POTEE: variants seen among roughly 807,000 people sequenced by gnomAD.
POTEE encodes the protein POTE ankyrin domain family member E, also known as ANKRD26-like family C member 1A.
Under a neutral mutation model 74.2 loss-of-function variants are expected in POTEE, and 21 were observed. That is an observed-to-expected ratio of 0.28 (90% CI 0.20 to 0.41). The LOEUF is 0.41. Among genes scored for constraint, POTEE ranks in the 10% least tolerant of loss-of-function variants. The probability of loss-of-function intolerance (pLI) is 1.00; values close to 1 mark genes in which losing one functional copy is unlikely to be tolerated. For synonymous variants in POTEE, 211 were observed against 432.8 expected (o/e 0.49, Z 6.36); for missense variants, 525 against 1,158.6 (o/e 0.45, Z 7.94).
rs781648859 is a variant in POTEE, at chr2:131,218,475, G to T, written c.73G>T (p.Gly25Cys). Residue 25 changes from glycine to cysteine, a missense_variant, in exon 4 of 18, where the codon GGC becomes TGC. Transcript: ENST00000683005. The stretch of plus-strand genomic sequence containing the variant: ...GCCATTTGGTCTCAGGAGCAAGATG[G>T]GCAAGTGGTGCTGCCGTTGCTTCCC... ...KKPFGLRSKM[G>C]KWCCRCFPCY... is the part of the protein sequence containing the mutation. The T allele has an allele frequency of 5.6e-6, 9 of 1,613,022 alleles. No individual in the cohort carries two copies. In the East Asian group the frequency reaches 1.8e-4, roughly 32 times the overall value.
intron 9 of POTEE, among the ~76,000 whole-genome samples, chr2:131,235,517 C>T (rs866836430): frequency 0.019 from 2,860 of 151,860 alleles, 81 homozygotes; most frequent in African/African-American, 0.066. Flanking sequence ...AAAATAAGGA[C>T]AAGTGTGGTG....
chr2:131,209,594 C>T lies in POTEE; in HGVS notation c.-570C>T, dbSNP rs180722132. Among the ~76,000 whole-genome samples, 665 of 152,330 alleles carry T rather than the reference C, an allele frequency of 4.4e-3. 2 individuals carry two copies. Among genetic ancestry groups the T allele is most frequent in the African/African-American group, 0.015 (622 of 41,562 alleles). The stretch of plus-strand genomic sequence containing the variant: ...CGGCATGGCTGCTACCTGTTTCTGG[C>T]TGGAGCCTCGGACACTGGCTCACTG... On this transcript the variant is annotated 5_prime_UTR_variant, in exon 1 of 18. Coordinates refer to ENST00000683005, the MANE Select transcript of POTEE (RefSeq NM_001083538.3).
At chr2:131,213,850 C>T (rs1700402658) in intron 2 of POTEE, among the ~76,000 whole-genome samples, 1 of 151,736 alleles carries the variant, frequency 6.6e-6, no homozygotes, top group Non-Finnish European at 1.5e-5. Context: ...CCAAGGGGGC[C>T]ATGAGCTACC....
At chr2:131,217,895 C>T (rs1308512027) in intron 3 of POTEE, among the ~76,000 whole-genome samples, 2 of 148,912 alleles carry the variant, frequency 1.3e-5, no homozygotes, top group Admixed American at 1.3e-4. Context: ...GCCGCACGCG[C>T]GTAACGGCTT....
chr2:131,233,393 T>C (rs1701024710), intron 9 of POTEE, among the ~76,000 whole-genome samples: 1 of 152,080 alleles, frequency 6.6e-6, no homozygotes, highest in Non-Finnish European at 1.5e-5. Flanking sequence ...GCAGATTGGA[T>C]TTGGCCTGTG....
At chr2:131,237,253 G>A (rs1347961861) in intron 10 of POTEE, among the ~76,000 whole-genome samples, 2 of 151,072 alleles carry the variant, frequency 1.3e-5, no homozygotes, top group Non-Finnish European at 3.0e-5. Flanking sequence ...TAACTCTGAT[G>A]GTCCCTGAGC....
intron 4 of POTEE, among the ~76,000 whole-genome samples, chr2:131,220,309 A>G (rs1700578194): frequency 6.7e-6 from 1 of 149,932 alleles, no homozygotes; most frequent in Non-Finnish European, 1.5e-5. Context: ...GGTTCAAGCA[A>G]TTCTCTGCTT....
chr2:131,223,365 C>T (rs557107721), intron 4 of POTEE, among the ~76,000 whole-genome samples: 115 of 149,204 alleles, frequency 7.7e-4, no homozygotes, highest in Non-Finnish European at 1.4e-3. Context: ...TTCCAGCCCA[C>T]GTTGAATGTC....
Position 131,235,588 on chromosome 2 carries a change from G to A in POTEE, c.1127-1144G>A, listed in dbSNP as rs1189629733. ...GAGCAGGCAGATCACAAGGTCAAAA[G>A]ATCAGGACCATCATGGCCAATGGTG... On this transcript the variant is annotated intron_variant, in intron 9 of 17. Coordinates refer to ENST00000683005, the MANE Select transcript of POTEE (RefSeq NM_001083538.3). 4.0e-5 allele frequency among the ~76,000 whole-genome samples: 6 copies of A among 151,870 alleles called. 1 individual carries two copies. The South Asian group carries it at 8.3e-4, about 21-fold the overall frequency.
At position 131,209,831 on chromosome 2, in the gene POTEE, G is replaced by C. The variant is rs374235333; in HGVS notation, c.-345+12G>C. Among the ~76,000 whole-genome samples the C allele has an allele frequency of 2.2e-3, 337 of 151,974 alleles. No individual in the cohort carries two copies. The highest frequency in any genetic ancestry group is 5.0e-3 in the Admixed American group (76 of 15,276). ...ATGTCCTGGTGTAGGTGAGTTATCC[G>C]GGGATGTACTGCCCGCCTGTGGGGG... On this transcript the variant is annotated intron_variant, in intron 1 of 17. Coordinates refer to ENST00000683005, the MANE Select transcript of POTEE (RefSeq NM_001083538.3).
rs1701670253 is a variant in POTEE at position 131,260,235 on chromosome 2, G to A, written c.1779-1491G>A. On this transcript the variant is annotated intron_variant, in intron 16 of 17. Transcript: ENST00000683005. ...TTACTGTGGTCTTAGAGTATCATTTGAAGTCAGGTAATGTGATGCCAACAT... is the reference window on the plus strand; with the variant it reads ...TTACTGTGGTCTTAGAGTATCATTTAAAGTCAGGTAATGTGATGCCAACAT... 1.3e-5 allele frequency among the ~76,000 whole-genome samples: 2 copies of A among 149,948 alleles called. 1 individual carries two copies. The highest frequency in any genetic ancestry group is 5.1e-5 in the African/African-American group (2 of 39,440).
chr2:131,239,869 C>A (rs1459730225), intron 12 of POTEE, among the ~76,000 whole-genome samples: 1 of 152,220 alleles, frequency 6.6e-6, no homozygotes, highest in African/African-American at 2.4e-5. Context: ...CTGTTATTCT[C>A]CTCTTTGTGT....
intron 4 of POTEE, among the ~76,000 whole-genome samples, chr2:131,221,821 T>G (rs570089089): frequency 2.0e-4 from 31 of 152,380 alleles, no homozygotes; most frequent in Admixed American, 1.9e-3. Context: ...TTATTACTAT[T>G]GCAAATGTAT....
chr2:131,226,393 A>G (rs2105081406), intron 6 of POTEE, among the ~76,000 whole-genome samples: 1 of 129,030 alleles, frequency 7.8e-6, no homozygotes. Flanking sequence ...AACTTTTGGT[A>G]AAACATGAAA....
chr2:131,221,606 A>G (rs1022049850), intron 4 of POTEE, among the ~76,000 whole-genome samples: 1 of 152,204 alleles, frequency 6.6e-6, no homozygotes, highest in Non-Finnish European at 1.5e-5. Context: ...TTATTTTTCT[A>G]TCTGTGGTTG....
At chr2:131,210,163 G>A (rs1476407505) in intron 1 of POTEE, among the ~76,000 whole-genome samples, 1 of 144,888 alleles carries the variant, frequency 6.9e-6, no homozygotes, top group African/African-American at 2.6e-5. Flanking sequence ...GGTGGTTTAG[G>A]AGTGTTGTCG....
At chr2:131,216,021 C>T (rs1700435696) in intron 2 of POTEE, among the ~76,000 whole-genome samples, 1 of 152,078 alleles carries the variant, frequency 6.6e-6, no homozygotes, top group South Asian at 2.1e-4. Flanking sequence ...ACAAAATTAA[C>T]ATTGGTTTCC....
At chr2:131,226,993 T>G in intron 7 of POTEE, 64 bp downstream of exon 7, 1 of 1,582,692 alleles carries the variant, frequency 6.3e-7, no homozygotes, top group Admixed American at 1.8e-5. Flanking sequence ...TCATAAATAT[T>G]AAATTAATAA....
At chr2:131,224,627 G>T (rs1700726010) in intron 6 of POTEE, among the ~76,000 whole-genome samples, 1 of 149,648 alleles carries the variant, frequency 6.7e-6, no homozygotes, top group South Asian at 2.1e-4. Context: ...GTGTGTGTGT[G>T]TTGTTGTTGT....
Sources: allele counts gnomAD v4.1 joint callset (sites outside exome capture counted in the v4.1 genomes callset), GRCh38; gene constraint gnomAD v4.1.1; transcripts MANE v1.5; gene names NCBI Gene and HGNC (gene_info 2026-07-23, HGNC 2026-07-21).